EHD4: variants seen among roughly 807,000 people sequenced by gnomAD.
The protein encoded by EHD4 is EH domain-containing protein 4.
EHD4 carries 37 observed loss-of-function variants against 51.0 expected under a neutral mutation model. The ratio of observed to expected loss-of-function variants is 0.73; its 90% CI spans 0.56 to 0.95. The LOEUF is 0.95. Among genes scored for constraint, EHD4 ranks in the 40% least tolerant of loss-of-function variants. The pLI, the probability that EHD4 is intolerant of heterozygous loss-of-function variation, is 0.00. For synonymous variants in EHD4, 297 were observed against 317.3 expected (o/e 0.94, Z 0.68); for missense variants, 632 against 733.1 (o/e 0.86, Z 1.59).
chr15:41,903,281 GAAAA>G (rs566427405), intron 5 of EHD4, among the ~76,000 whole-genome samples: 1 of 84,456 alleles, frequency 1.2e-5, no homozygotes, highest in African/African-American at 4.6e-5. Flanking sequence ...AGGCTGCTAG[GAAAA>G]AAAAAAAAAA....
At position 41,900,440 on chromosome 15, in the gene EHD4, C is replaced by A; in HGVS notation, c.*205G>T. ...TTCAATCTCCTAATCCACCCCCCTA[C>A]CCCCAATATTTTCATAGAAACTAAG... is the stretch of plus-strand genomic sequence containing the variant. On this transcript the variant is annotated 3_prime_UTR_variant, in exon 6 of 6. Transcript: ENST00000220325. This position sits in a 1 kb window ranked among gnomAD's most constrained non-coding sequence, Gnocchi z 4.8. 1 of 606,626 alleles carries A rather than the reference C, an allele frequency of 1.6e-6. No individual in the cohort carries two copies. 37.6% of individuals were successfully genotyped at this position (606,626 alleles called of 1,614,324 possible).
At chr15:41,931,080 C>G (rs1201555610) in intron 3 of EHD4, among the ~76,000 whole-genome samples, 2 of 152,198 alleles carry the variant, frequency 1.3e-5, no homozygotes, top group African/African-American at 2.4e-5. Flanking sequence ...CCTTTTGATT[C>G]CAAAATTCCA....
intron 4 of EHD4, among the ~76,000 whole-genome samples, chr15:41,916,744 T>C (rs1213473923): frequency 6.6e-6 from 1 of 152,164 alleles, no homozygotes; most frequent in Non-Finnish European, 1.5e-5. Context: ...CCGCTTCCTG[T>C]CCCCGTTCCT....
intron 2 of EHD4, among the ~76,000 whole-genome samples, chr15:41,950,639 G>C (rs1293299357): frequency 6.6e-6 from 1 of 152,168 alleles, no homozygotes; most frequent in Admixed American, 6.5e-5. Context: ...ACTTAATGAG[G>C]CTGTTTACTC....
chr15:41,952,858 T>C (rs1595543791), intron 2 of EHD4, among the ~76,000 whole-genome samples: 1 of 151,614 alleles, frequency 6.6e-6, no homozygotes, highest in Non-Finnish European at 1.5e-5. Flanking sequence ...GGTGTGGTGG[T>C]GGGTGCCTGT....
chr15:41,933,562 G>A (rs966058761), intron 3 of EHD4, among the ~76,000 whole-genome samples: 6 of 152,196 alleles, frequency 3.9e-5, no homozygotes, highest in Admixed American at 2.0e-4. Context: ...AGTGTTTCTC[G>A]GCATGGATTG....
At chr15:41,919,150 T>G in intron 4 of EHD4, 60 bp downstream of exon 4, 6 of 1,602,124 alleles carry the variant, frequency 3.7e-6, no homozygotes, top group Non-Finnish European at 5.1e-6. Flanking sequence ...ATCTTGCCTC[T>G]GGAGAGGAGA....
chr15:41,951,145 C>T (rs2067850145), intron 2 of EHD4, among the ~76,000 whole-genome samples: 1 of 152,184 alleles, frequency 6.6e-6, no homozygotes, highest in South Asian at 2.1e-4. Context: ...GAGTGACCCC[C>T]AGAAATTAAA....
At chr15:41,914,209 G>C (rs2067568217) in intron 4 of EHD4, among the ~76,000 whole-genome samples, 2 of 152,204 alleles carry the variant, frequency 1.3e-5, no homozygotes, top group Admixed American at 1.3e-4. Flanking sequence ...AGTAGTTTGG[G>C]GAAGGCGGGC....
At chr15:41,910,036 C>T (rs376355842) in intron 4 of EHD4, among the ~76,000 whole-genome samples, 173 bp from the exon 5 acceptor site, 4 of 151,356 alleles carry the variant, frequency 2.6e-5, no homozygotes, top group Middle Eastern at 3.4e-3. Flanking sequence ...CAAGGGTGGC[C>T]GGAATGTGGC....
chr15:41,927,295 T>A (rs1047372512), intron 3 of EHD4, among the ~76,000 whole-genome samples: 3 of 152,202 alleles, frequency 2.0e-5, no homozygotes, highest in Admixed American at 2.0e-4. Flanking sequence ...CAATCCCACT[T>A]TGGGTATTTG....
chr15:41,967,533 G>A (rs981741301), intron 1 of EHD4, among the ~76,000 whole-genome samples: 3 of 152,208 alleles, frequency 2.0e-5, no homozygotes, highest in Non-Finnish European at 4.4e-5. Flanking sequence ...GATCTGTAAA[G>A]GGTATAATAT....
intron 2 of EHD4, among the ~76,000 whole-genome samples, chr15:41,947,979 A>G (rs559139842): frequency 6.6e-6 from 1 of 151,330 alleles, no homozygotes; most frequent in East Asian, 2.0e-4. Context: ...GGTTTAGGCC[A>G]GGCGCGGTGG....
In EHD4 at chr15:41,972,433, ACCGCGTCCGCGCCGCCAGCGCGTTCGCGC is replaced by A. The variant is rs758173638; in HGVS notation, c.33_61del (p.Arg12AlafsTer88). 2.2e-5 allele frequency: 35 copies of A among 1,594,778 alleles called. No homozygotes were observed. The highest frequency in any genetic ancestry group is 1.2e-4 in the East Asian group (5 of 43,086). ...GCGCAGCCCGCCCGTCACCGTCTGC[ACCGCGTCCGCGCCGCCAGCGCGTTCGCGC>A]CCGCCCGCCTGCCGCCCCATCCAGC... On this transcript the variant is annotated frameshift_variant, in exon 1 of 6. Coordinates refer to ENST00000220325, the MANE Select transcript of EHD4 (RefSeq NM_139265.4). LOFTEE classifies it high-confidence loss of function.
chr15:41,961,870 C>T (rs34899815), intron 1 of EHD4, among the ~76,000 whole-genome samples: 28,890 of 151,902 alleles, frequency 0.19, 3,350 homozygotes, highest in Non-Finnish European at 0.26. Context: ...ATGAAGGTAA[C>T]TGATACAGTT....
intron 1 of EHD4, among the ~76,000 whole-genome samples, chr15:41,962,717 G>A (rs2067933145): frequency 6.6e-6 from 1 of 151,958 alleles, no homozygotes; most frequent in African/African-American, 2.4e-5. Flanking sequence ...CTGGGAGGTG[G>A]GGGGCGCCTC....
intron 4 of EHD4, among the ~76,000 whole-genome samples, chr15:41,918,058 T>C (rs1185624417): frequency 6.6e-6 from 1 of 152,124 alleles, no homozygotes; most frequent in African/African-American, 2.4e-5. Flanking sequence ...GACAGGCTGC[T>C]AATGAGCAGC....
rs1595528004 is a variant in EHD4 at position 41,900,975 on chromosome 15, A to C, written c.1296T>G (p.Gly432=). 1 of 1,609,934 alleles carries C rather than the reference A, an allele frequency of 6.2e-7. No individual in the cohort carries two copies. Among genetic ancestry groups the C allele is most frequent in the South Asian group, 1.1e-5 (1 of 90,886 alleles). ...EGPFNQGYGE[G]AKEGADEEEW... is the part of the protein sequence containing the mutation. ...CCTCCTCGTCGGCGCCCTCCTTGGC[A>C]CCCTCCCCGTAGCCCTGGTTGAAGG... Residue 432 remains glycine, a synonymous_variant, in exon 6 of 6, where the codon GGT becomes GGG. Coordinates refer to ENST00000220325, the MANE Select transcript of EHD4 (RefSeq NM_139265.4). This position sits in a 1 kb window ranked among gnomAD's most constrained non-coding sequence, Gnocchi z 4.8.
Position 41,897,497 on chromosome 15 carries a change from C to T in EHD4, c.*3148G>A, listed in dbSNP as rs1237881800. On this transcript the variant is annotated 3_prime_UTR_variant, in exon 6 of 6. Transcript: ENST00000220325. ...AATGACCCTCCCCCAGAAGAGCAAC[C>T]CTGCCCCCAGGCCATCCAAGTGCGG... 1 of 152,354 alleles carries T rather than the reference C, an allele frequency of 6.6e-6. No homozygotes were observed. Among genetic ancestry groups the T allele is most frequent in the African/African-American group, 2.4e-5 (1 of 41,466 alleles). The allele number at this position is 152,354 out of a possible 1,614,324, so 9.4% of individuals were successfully genotyped here.
Sources: gnomAD v4.1 joint callset for allele counts (sites outside exome capture counted in the v4.1 genomes callset) on GRCh38, gnomAD v4.1.1 for gene constraint, Gnocchi (gnomAD v3.1) non-coding constraint, MANE v1.5 for transcripts, NCBI Gene and HGNC (gene_info 2026-07-23, HGNC 2026-07-21) for gene names.